The following SLC25A16 variants were observed in gnomAD, a reference collection of about 807,000 sequenced individuals.
SLC25A16 encodes the protein mitochondrial coenzyme A transporter SLC25A16.
In SLC25A16, 39 loss-of-function variants were observed where a neutral mutation model predicts 41.5. That is an observed-to-expected ratio of 0.94 (90% CI 0.73 to 1.23). The LOEUF (loss-of-function observed/expected upper bound fraction) is 1.23, where lower values mean the gene tolerates loss of function less well. Ranked by LOEUF, SLC25A16 falls within the 50% of genes most tolerant of loss-of-function variation. SLC25A16 has a pLI of 0.00. For synonymous variants in SLC25A16, 146 were observed against 147.8 expected, an observed-to-expected ratio of 0.99 and a Z score of 0.09; for missense variants, 421 against 426.9, an observed-to-expected ratio of 0.99 and a Z score of 0.12.
intron 1 of SLC25A16, among the ~76,000 whole-genome samples, chr10:68,524,132 A>T (rs1383964626): frequency 1.3e-5 from 2 of 151,736 alleles, no homozygotes; most frequent in Admixed American, 1.3e-4. Context: ...AATATGGTGA[A>T]ACCCCGTCTC....
At chr10:68,484,625 AT>A (rs1019242367) in intron 8 of SLC25A16, among the ~76,000 whole-genome samples, 2 of 151,590 alleles carry the variant, frequency 1.3e-5, no homozygotes, top group African/African-American at 4.8e-5. Flanking sequence ...GTTAAAAAAA[AT>A]TTTTTTAGAG....
intron 4 of SLC25A16, among the ~76,000 whole-genome samples, chr10:68,502,901 A>G (rs1466147702): frequency 5.7e-5 from 1 of 17,430 alleles, no homozygotes; most frequent in Non-Finnish European, 9.5e-5. Flanking sequence ...AGGGGAGGGG[A>G]AAGGAGGGGG....
chr10:68,513,905 A>C (rs1035416318), intron 2 of SLC25A16, among the ~76,000 whole-genome samples: 1 of 151,992 alleles, frequency 6.6e-6, no homozygotes, highest in African/African-American at 2.4e-5. Context: ...GCTAACGCAA[A>C]TAATGTTTTG....
Position 68,527,454 on chromosome 10 carries a change from A to T in SLC25A16, c.-79T>A. 7.4e-7 allele frequency: 1 copy of T among 1,359,346 alleles called. No individual in the cohort carries two copies. The highest frequency in any genetic ancestry group is 9.5e-7 in the Non-Finnish European group (1 of 1,051,428). 84.2% of individuals were successfully genotyped at this position (1,359,346 alleles called of 1,614,324 possible). A position where few individuals can be genotyped will look rare whatever the true frequency, so the allele number is the denominator to read the frequency against. ...GGGACCATAGCCGGAACAGGCGGTG[A>T]CAGGAGGCTGACCGCCCCGCCGGCG... On this transcript the variant is annotated 5_prime_UTR_variant, in exon 1 of 9. Transcript: ENST00000609923.
intron 2 of SLC25A16, among the ~76,000 whole-genome samples, chr10:68,513,527 T>C (rs2053105669): frequency 6.6e-6 from 1 of 152,068 alleles, no homozygotes; most frequent in Non-Finnish European, 1.5e-5. Flanking sequence ...ACTTTTAAAA[T>C]GCAGTTGGAA....
chr10:68,512,531 T>A (rs981644279), intron 2 of SLC25A16, among the ~76,000 whole-genome samples: 1 of 115,138 alleles, frequency 8.7e-6, no homozygotes, highest in East Asian at 2.5e-4. Context: ...CCCAGCTACT[T>A]GGGAGGCTGA....
At chr10:68,489,193 C>T (rs905021233) in intron 6 of SLC25A16, among the ~76,000 whole-genome samples, 2 of 152,072 alleles carry the variant, frequency 1.3e-5, no homozygotes, top group Admixed American at 6.6e-5. Context: ...CATTTGAACC[C>T]AGGAGGCGGA....
intron 3 of SLC25A16, among the ~76,000 whole-genome samples, chr10:68,504,619 C>T (rs972243992): frequency 6.0e-5 from 9 of 151,204 alleles, no homozygotes; most frequent in East Asian, 3.9e-4. Context: ...ACTTGTGATC[C>T]GCCCGCCTCG....
Position 68,488,604 on chromosome 10 carries a change from G to T in SLC25A16, c.636C>A (p.Thr212=). 6.2e-7 allele frequency: 1 copy of T among 1,612,864 alleles called. No individual in the cohort carries two copies. The change falls in exon 7 of 9, where the codon ACC becomes ACA. Residue 212 remains threonine (T), a synonymous_variant. Coordinates refer to ENST00000609923, the MANE Select transcript of SLC25A16 (RefSeq NM_152707.4). ...CATGGGAAAGCCCAACACTCTTCAA[G>T]GTACCAAAAGTAAAAAATGAAACAC... The part of the protein sequence containing the change: ...YAGVSFFTFG[T]LKSVGLSHAP...
chr10:68,507,557 TAAAC>T (rs1287074735), intron 2 of SLC25A16, among the ~76,000 whole-genome samples: 3 of 152,106 alleles, frequency 2.0e-5, no homozygotes, highest in Non-Finnish European at 2.9e-5. Flanking sequence ...GGAATAATGA[TAAAC>T]AAAGGGCTGA....
At chr10:68,491,680 C>T (rs1013282564) in intron 6 of SLC25A16, among the ~76,000 whole-genome samples, 3 of 152,142 alleles carry the variant, frequency 2.0e-5, no homozygotes, top group Non-Finnish European at 4.4e-5. Flanking sequence ...TTCCACACTA[C>T]CAAACTAAAA....
intron 2 of SLC25A16, among the ~76,000 whole-genome samples, chr10:68,509,992 G>A (rs935478881): frequency 2.2e-4 from 34 of 151,554 alleles, no homozygotes; most frequent in Admixed American, 1.3e-3. Flanking sequence ...CGGGAGAATC[G>A]CTTGAAACCA....
At chr10:68,485,073 TTA>T (rs2052535783) in intron 8 of SLC25A16, among the ~76,000 whole-genome samples, 1 of 152,202 alleles carries the variant, frequency 6.6e-6, no homozygotes, top group South Asian at 2.1e-4. Flanking sequence ...TTTTTAACAA[TTA>T]TATATATATT....
intron 8 of SLC25A16, 169 bp downstream of exon 8, chr10:68,486,975 A>C (rs1590091280): frequency 2.5e-6 from 1 of 408,036 alleles, no homozygotes. Context: ...AAAAAAAAAA[A>C]AAAAAAAGAA....
At chr10:68,526,793 T>A (rs1445802193) in intron 1 of SLC25A16, among the ~76,000 whole-genome samples, 1 of 152,230 alleles carries the variant, frequency 6.6e-6, no homozygotes. Context: ...GTTTTGGCTG[T>A]AGACAGTTTG....
At chr10:68,519,049 G>T (rs932682082) in intron 1 of SLC25A16, among the ~76,000 whole-genome samples, 1 of 151,578 alleles carries the variant, frequency 6.6e-6, no homozygotes, top group Non-Finnish European at 1.5e-5. Context: ...AAAATTAGCT[G>T]GGTGTGATGA....
At chr10:68,523,575 C>T (rs1171343939) in intron 1 of SLC25A16, among the ~76,000 whole-genome samples, 1 of 151,942 alleles carries the variant, frequency 6.6e-6, no homozygotes, top group Admixed American at 6.6e-5. Context: ...CAGGTTGAAG[C>T]GATTCTCATG....
chr10:68,507,282 A>G (rs1405515076), intron 2 of SLC25A16, among the ~76,000 whole-genome samples: 1 of 151,878 alleles, frequency 6.6e-6, no homozygotes, highest in Admixed American at 6.6e-5. Flanking sequence ...CATGTTGGCC[A>G]GGCTGGTCTC....
Position 68,488,590 on chromosome 10 carries a change from C to A in SLC25A16, c.650G>T (p.Gly217Val). ...AAGAAGGGTAGGAGCATGGGAAAGC[C>A]CAACACTCTTCAAGGTACCAAAAGT... ...FFTFGTLKSV[G>V]LSHAPTLLGR... is the part of the protein sequence containing the mutation. Residue 217 changes from glycine to valine, a missense_variant, in exon 7 of 9, where the codon GGG (glycine) becomes GTG (valine). By Grantham distance (109) the Gly-to-Val change is moderately radical. Transcript: ENST00000609923. The A allele has an allele frequency of 6.2e-7, 1 of 1,612,362 alleles. No homozygotes were observed. The highest frequency in any genetic ancestry group is 8.5e-7 in the Non-Finnish European group (1 of 1,179,636).
Sources: allele counts gnomAD v4.1 joint callset (sites outside exome capture counted in the v4.1 genomes callset), GRCh38; gene constraint gnomAD v4.1.1; transcripts MANE v1.5; gene names NCBI Gene and HGNC (gene_info 2026-07-23, HGNC 2026-07-21).